SAMD4A: variants seen among roughly 807,000 people sequenced by gnomAD.
The protein encoded by SAMD4A is protein Smaug homolog 1.
Under a neutral mutation model 81.3 loss-of-function variants are expected in SAMD4A, and 33 were observed. The observed-to-expected ratio is 0.41, with a 90% CI of 0.31 to 0.54. The LOEUF (loss-of-function observed/expected upper bound fraction) is 0.54, where lower values mean the gene tolerates loss of function less well. SAMD4A is among the 20% of genes least tolerant of loss of function. The pLI, the probability that SAMD4A is intolerant of heterozygous loss-of-function variation, is 0.37. For synonymous variants in SAMD4A, 389 were observed against 382.1 expected (o/e 1.02, Z -0.21); for missense variants, 854 against 951.1 (o/e 0.90, Z 1.34).
intron 2 of SAMD4A, among the ~76,000 whole-genome samples, chr14:54,674,730 A>G (rs910519065): frequency 2.0e-5 from 3 of 152,166 alleles, no homozygotes; most frequent in Admixed American, 6.5e-5. Context: ...ATGATACTCA[A>G]ATAAGTGGGC....
rs1461028658 is a variant in SAMD4A at position 54,702,046 on chromosome 14, A to G, written c.197-16A>G. On this transcript the variant is annotated splice_polypyrimidine_tract_variant and intron_variant, in intron 2 of 12. Transcript: ENST00000554335. The stretch of plus-strand genomic sequence containing the variant: ...GGGTGTATTTGCTTATTTGCCGTGT[A>G]TATTTCCCTTTTCAGGAATCATTAA... 1 of 1,612,430 alleles carries G rather than the reference A, an allele frequency of 6.2e-7. No individual in the cohort carries two copies.
At chr14:54,746,736 C>T (rs2037977292) in intron 4 of SAMD4A, among the ~76,000 whole-genome samples, 1 of 152,216 alleles carries the variant, frequency 6.6e-6, no homozygotes, top group African/African-American at 2.4e-5. Flanking sequence ...GTCCAAGAGC[C>T]TGCTACCTTC....
intron 11 of SAMD4A, chr14:54,784,287 G>C: frequency 1.4e-6 from 2 of 1,393,748 alleles, no homozygotes; most frequent in Non-Finnish European, 2.0e-6. Context: ...TCTGAGCAGA[G>C]GAGGCACAGA....
At chr14:54,586,090 G>A (rs994090579) in intron 2 of SAMD4A, among the ~76,000 whole-genome samples, 9 of 151,684 alleles carry the variant, frequency 5.9e-5, no homozygotes, top group African/African-American at 1.7e-4. Context: ...CCACATCCCC[G>A]CCAATATCTG....
At chr14:54,597,727 C>G (rs2033950013) in intron 2 of SAMD4A, among the ~76,000 whole-genome samples, 1 of 151,482 alleles carries the variant, frequency 6.6e-6, no homozygotes, top group Non-Finnish European at 1.5e-5. Flanking sequence ...GTAGCTGGGA[C>G]TATAGGCATA....
chr14:54,724,109 A>G (rs921699242), intron 3 of SAMD4A, among the ~76,000 whole-genome samples: 2 of 152,138 alleles, frequency 1.3e-5, no homozygotes, highest in African/African-American at 4.8e-5. Context: ...GGTAGGTGGA[A>G]TAAGGTATTA....
chr14:54,751,571 C>G (rs762843914), intron 6 of SAMD4A, 34 bp downstream of exon 6: 4 of 1,358,524 alleles, frequency 2.9e-6, no homozygotes, highest in Non-Finnish European at 4.2e-6. Flanking sequence ...TTTCCACTTT[C>G]ATTATGGGAA....
intron 2 of SAMD4A, among the ~76,000 whole-genome samples, chr14:54,668,375 G>C (rs1014813515): frequency 6.6e-6 from 1 of 152,164 alleles, no homozygotes; most frequent in Non-Finnish European, 1.5e-5. Context: ...ACTTATCATA[G>C]AATCGCTCAG....
intron 2 of SAMD4A, among the ~76,000 whole-genome samples, chr14:54,575,514 C>G (rs2140124254): frequency 6.6e-6 from 1 of 152,270 alleles, no homozygotes; most frequent in East Asian, 1.9e-4. Flanking sequence ...GCGGTGGGAC[C>G]TCTTTGGAAG....
At chr14:54,576,748 T>C (rs1021162511) in intron 2 of SAMD4A, among the ~76,000 whole-genome samples, 2 of 152,232 alleles carry the variant, frequency 1.3e-5, no homozygotes, top group African/African-American at 4.8e-5. Flanking sequence ...TCTTATTTCC[T>C]GATGAATTAA....
intron 2 of SAMD4A, among the ~76,000 whole-genome samples, chr14:54,627,828 CAGAGAGGGTTTTAA>C (rs2034803324): frequency 6.6e-6 from 1 of 152,116 alleles, no homozygotes; most frequent in South Asian, 2.1e-4. Flanking sequence ...TCGTTTCATG[CAGAGAGGGTTTTAA>C]AGGAAATCAG....
At chr14:54,729,477 G>A (rs1308160255) in intron 3 of SAMD4A, among the ~76,000 whole-genome samples, 2 of 151,932 alleles carry the variant, frequency 1.3e-5, no homozygotes, top group African/African-American at 2.4e-5. Flanking sequence ...AAGAAATATC[G>A]GCTTAAATTC....
chr14:54,627,679 C>T (rs1475067404), intron 2 of SAMD4A, among the ~76,000 whole-genome samples: 2 of 152,182 alleles, frequency 1.3e-5, no homozygotes, highest in Non-Finnish European at 2.9e-5. Flanking sequence ...TTTTTACATC[C>T]TTCCTTGCCC....
chr14:54,741,374 C>T (rs2037839204), intron 4 of SAMD4A, among the ~76,000 whole-genome samples: 1 of 152,202 alleles, frequency 6.6e-6, no homozygotes, highest in African/African-American at 2.4e-5. Context: ...TACATAAACC[C>T]AACACGCTAA....
chr14:54,743,843 G>C (rs1321318885), intron 4 of SAMD4A, among the ~76,000 whole-genome samples: 3 of 152,220 alleles, frequency 2.0e-5, no homozygotes, highest in African/African-American at 7.2e-5. Flanking sequence ...ACAAAGGCTG[G>C]AACAGAGTTG....
rs573555479 is a variant in SAMD4A at position 54,729,911 on chromosome 14, T to C, written c.716-7113T>C. Among the ~76,000 whole-genome samples, 38 of 152,330 alleles carry C rather than the reference T, an allele frequency of 2.5e-4. 1 individual carries two copies. In the South Asian group the frequency reaches 7.9e-3, roughly 32 times the overall value. On this transcript the variant is annotated intron_variant, in intron 3 of 12. Coordinates refer to ENST00000554335, the MANE Select transcript of SAMD4A (RefSeq NM_015589.6). ...AGTATATACATATTGGCTTCTTGTC[T>C]AGGTATTTCATAAATAATGACAATG... is the stretch of plus-strand genomic sequence containing the variant.
intron 4 of SAMD4A, among the ~76,000 whole-genome samples, chr14:54,747,169 C>T (rs551973387): frequency 1.3e-5 from 2 of 152,278 alleles, no homozygotes; most frequent in East Asian, 1.9e-4. Context: ...GGGACTCTTG[C>T]TTGTCATAGT....
rs558426282 is a variant in SAMD4A, at chr14:54,679,480, C to A, written c.197-22582C>A. Among the ~76,000 whole-genome samples, 27 of 152,282 alleles carry A rather than the reference C, an allele frequency of 1.8e-4. No individual in the cohort carries two copies. The South Asian group carries it at 3.1e-3, about 18-fold the overall frequency. On this transcript the variant is annotated intron_variant, in intron 2 of 12. Transcript: ENST00000554335. Reference sequence around the variant, plus strand: ...CATGTTCTCCCCTTTCCAGATGATGCGGGATGCCAGGCAAAGACCAAGTTT... The same window carrying A: ...CATGTTCTCCCCTTTCCAGATGATGAGGGATGCCAGGCAAAGACCAAGTTT...
intron 2 of SAMD4A, among the ~76,000 whole-genome samples, chr14:54,619,064 T>G (rs1433387857): frequency 1.3e-5 from 2 of 151,998 alleles, no homozygotes; most frequent in Non-Finnish European, 2.9e-5. Flanking sequence ...TATAGAATCA[T>G]TTCCAATGTG....
Sources: gnomAD v4.1 joint callset for allele counts (sites outside exome capture counted in the v4.1 genomes callset) on GRCh38, gnomAD v4.1.1 for gene constraint, MANE v1.5 for transcripts, NCBI Gene and HGNC (gene_info 2026-07-23, HGNC 2026-07-21) for gene names.